The following ICA1 variants were observed in gnomAD, a reference collection of about 807,000 sequenced individuals.
ICA1 encodes 69 kDa islet cell autoantigen.
Under a neutral mutation model 71.0 loss-of-function variants are expected in ICA1, and 40 were observed. That is an observed-to-expected ratio of 0.56 (90% CI 0.44 to 0.73). ICA1 has a LOEUF of 0.73. Among genes scored for constraint, ICA1 ranks in the 30% least tolerant of loss-of-function variants. The pLI, the probability that ICA1 is intolerant of heterozygous loss-of-function variation, is 0.00. For synonymous variants in ICA1, 207 were observed against 209.5 expected (o/e 0.99, Z 0.10); for missense variants, 578 against 576.5 (o/e 1.00, Z -0.03).
rs528874019 is a variant in ICA1 at position 8,219,308 on chromosome 7, C to T, written c.381-805G>A. ...AGATGAATTATACTCTTAAAATATA[C>T]TCTTCTTCATGAAGTTTCAGGGCAC... On this transcript the variant is annotated intron_variant, in intron 5 of 13. Coordinates refer to ENST00000402384, the MANE Select transcript of ICA1 (RefSeq NM_001136020.3). 3.9e-5 allele frequency among the ~76,000 whole-genome samples: 6 copies of T among 152,340 alleles called. 1 individual carries two copies. The highest frequency in any genetic ancestry group is 6.8e-3 in the Middle Eastern group (2 of 294).
chr7:8,125,644 C>T (rs1052557969), intron 13 of ICA1, among the ~76,000 whole-genome samples: 1 of 152,182 alleles, frequency 6.6e-6, no homozygotes, highest in African/African-American at 2.4e-5. Context: ...CTGTCTGCAT[C>T]CTGTTACAAT....
chr7:8,127,521 T>C (rs1789723206), intron 13 of ICA1, among the ~76,000 whole-genome samples: 1 of 152,044 alleles, frequency 6.6e-6, no homozygotes. Context: ...GAGGGCATGC[T>C]TATGGGAACG....
chr7:8,223,899 C>T lies in ICA1; in HGVS notation c.257-2501G>A, dbSNP rs190783306. On this transcript the variant is annotated intron_variant, in intron 4 of 13. Coordinates refer to ENST00000402384, the MANE Select transcript of ICA1 (RefSeq NM_001136020.3). This position sits in a 1 kb window ranked among gnomAD's most constrained non-coding sequence, Gnocchi z 4.1. ...TTGCTAATTAGGTTTTCAGATGTGC[C>T]GTTAAAAACAAGGCAACTATGGAAC... Among the ~76,000 whole-genome samples, 19 of 152,186 alleles carry T rather than the reference C, an allele frequency of 1.2e-4. No individual in the cohort carries two copies. Among genetic ancestry groups the T allele is most frequent in the Admixed American group, 9.8e-4 (15 of 15,276 alleles).
intron 6 of ICA1, among the ~76,000 whole-genome samples, chr7:8,181,655 T>G (rs879114769): frequency 3.3e-5 from 5 of 152,190 alleles, no homozygotes; most frequent in Admixed American, 3.3e-4. Flanking sequence ...AGCAATGTTT[T>G]GCAGTTTTAG....
intron 6 of ICA1, among the ~76,000 whole-genome samples, chr7:8,186,460 G>A (rs970473823): frequency 6.6e-6 from 1 of 152,158 alleles, no homozygotes; most frequent in Non-Finnish European, 1.5e-5. Context: ...TAAGCAATGG[G>A]GAGCTGCTGA....
intron 9 of ICA1, chr7:8,142,024 C>T (rs554586230): frequency 6.8e-7 from 1 of 1,472,972 alleles, no homozygotes; most frequent in East Asian, 2.8e-5. Flanking sequence ...TCTGAATTTG[C>T]TTTCATCTCG....
At chr7:8,218,036 T>A (rs1336974423) in intron 6 of ICA1, among the ~76,000 whole-genome samples, 1 of 152,376 alleles carries the variant, frequency 6.6e-6, no homozygotes, top group East Asian at 1.9e-4. Context: ...AATGTGACAA[T>A]CTTACAAAAA....
chr7:8,177,062 T>C (rs1157153966), intron 6 of ICA1, among the ~76,000 whole-genome samples: 1 of 152,242 alleles, frequency 6.6e-6, no homozygotes, highest in Non-Finnish European at 1.5e-5. Context: ...ACTTTGTTAA[T>C]TTATTACATG....
rs186950706 is a variant in ICA1 at position 8,154,438 on chromosome 7, C to A, written c.804+2678G>T. On this transcript the variant is annotated intron_variant, in intron 8 of 13. Coordinates refer to ENST00000402384, the MANE Select transcript of ICA1 (RefSeq NM_001136020.3). ...TAAAACTAACAGTCAGGAAATACAG[C>A]TGCAATGGCACAATTACCAACACAC... Among the ~76,000 whole-genome samples, 696 of 152,252 alleles carry A rather than the reference C, an allele frequency of 4.6e-3. 3 individuals carry two copies. The highest frequency in any genetic ancestry group is 7.4e-3 in the Non-Finnish European group (502 of 68,018).
intron 1 of ICA1, among the ~76,000 whole-genome samples, chr7:8,256,537 A>C (rs2128550874): frequency 6.6e-6 from 1 of 152,284 alleles, no homozygotes; most frequent in African/African-American, 2.4e-5. Flanking sequence ...ATTTACATCA[A>C]GACTCTCCTC....
chr7:8,148,149 C>A (rs941335812), intron 8 of ICA1, among the ~76,000 whole-genome samples: 1 of 152,144 alleles, frequency 6.6e-6, no homozygotes, highest in Admixed American at 6.5e-5. Flanking sequence ...GGAAAATGAA[C>A]AAATGAATAA....
intron 10 of ICA1, among the ~76,000 whole-genome samples, chr7:8,141,406 T>C (rs745407068): frequency 1.3e-5 from 2 of 152,214 alleles, no homozygotes; most frequent in African/African-American, 2.4e-5. Flanking sequence ...CCTGAGGTCA[T>C]AGCCTCATCT....
chr7:8,160,198 T>G (rs1258071337), intron 6 of ICA1, among the ~76,000 whole-genome samples: 2 of 152,200 alleles, frequency 1.3e-5, no homozygotes, highest in South Asian at 2.1e-4. Flanking sequence ...TGATTTTATT[T>G]TCTAATAAAA....
At chr7:8,210,732 T>G (rs1392675847) in intron 6 of ICA1, among the ~76,000 whole-genome samples, 1 of 152,200 alleles carries the variant, frequency 6.6e-6, no homozygotes, top group East Asian at 1.9e-4. Flanking sequence ...TTTTATTTTT[T>G]GAAACGGGGT....
intron 8 of ICA1, among the ~76,000 whole-genome samples, chr7:8,145,308 C>T (rs1296349510): frequency 6.6e-6 from 1 of 152,152 alleles, no homozygotes. Context: ...CCCTACCATC[C>T]CCCAAACATG....
chr7:8,140,505 C>T (rs1375062689), intron 10 of ICA1, among the ~76,000 whole-genome samples: 1 of 152,222 alleles, frequency 6.6e-6, no homozygotes, highest in Non-Finnish European at 1.5e-5. Context: ...CTACACCTCT[C>T]CCTTGGAGCT....
At chr7:8,176,445 C>T (rs184474244) in intron 6 of ICA1, among the ~76,000 whole-genome samples, 1 of 152,290 alleles carries the variant, frequency 6.6e-6, no homozygotes, top group Non-Finnish European at 1.5e-5. Context: ...TTGCAGACGC[C>T]CTTATGAGAC....
intron 6 of ICA1, among the ~76,000 whole-genome samples, chr7:8,213,327 G>T (rs1042861279): frequency 5.9e-5 from 9 of 152,194 alleles, no homozygotes; most frequent in Non-Finnish European, 1.0e-4. Flanking sequence ...AGTCCTGAGA[G>T]ATATTAGCGC....
At chr7:8,261,243 C>T (rs566677516) in intron 1 of ICA1, among the ~76,000 whole-genome samples, 45 of 152,234 alleles carry the variant, frequency 3.0e-4, no homozygotes, top group Admixed American at 1.1e-3. Context: ...AGAATAAGGG[C>T]GCGATACTTT....
Sources: gnomAD v4.1 joint callset for allele counts (sites outside exome capture counted in the v4.1 genomes callset) on GRCh38, gnomAD v4.1.1 for gene constraint, Gnocchi (gnomAD v3.1) non-coding constraint, MANE v1.5 for transcripts, NCBI Gene and HGNC (gene_info 2026-07-23, HGNC 2026-07-21) for gene names.